Variants in SLC10A7 observed in about 807,000 individuals in gnomAD.
SLC10A7 encodes sodium/bile acid cotransporter 7.
In SLC10A7, 29 loss-of-function variants were observed where a neutral mutation model predicts 43.2. The ratio of observed to expected loss-of-function variants is 0.67; its 90% CI spans 0.50 to 0.92. SLC10A7 has a LOEUF of 0.92. Among genes scored for constraint, SLC10A7 ranks in the 40% least tolerant of loss-of-function variants. The pLI is 0.00. For missense variants in SLC10A7, 295 were observed against 403.2 expected, an observed-to-expected ratio of 0.73 and a Z score of 2.30; for synonymous variants, 152 against 144.8, an observed-to-expected ratio of 1.05 and a Z score of -0.35.
In SLC10A7 at chr4:146,508,121, T is replaced by C. The variant is rs148783108; in HGVS notation, c.320+1792A>G. 7.2e-3 allele frequency among the ~76,000 whole-genome samples: 1,091 copies of C among 152,302 alleles called. 9 individuals carry two copies. The highest frequency in any genetic ancestry group is 0.025 in the African/African-American group (1,050 of 41,560). ...TGCAAGCCGACCCTATGGAAATATT[T>C]TATCTTTGTATCTCATTAATGCCGC... is the stretch of plus-strand genomic sequence containing the variant. On this transcript the variant is annotated intron_variant, in intron 3 of 11. Transcript: ENST00000335472.
intron 10 of SLC10A7, among the ~76,000 whole-genome samples, chr4:146,264,745 G>C (rs1728448545): frequency 6.6e-6 from 1 of 152,086 alleles, no homozygotes; most frequent in Non-Finnish European, 1.5e-5. Flanking sequence ...AAAGTTCGGG[G>C]ATCATCTTTG....
chr4:146,297,990 G>C (rs1387216361), intron 7 of SLC10A7, among the ~76,000 whole-genome samples: 1 of 152,104 alleles, frequency 6.6e-6, no homozygotes, highest in African/African-American at 2.4e-5. Flanking sequence ...ATAAAATGTT[G>C]AAAAGCTAGG....
At chr4:146,443,847 T>C (rs1730809754) in intron 4 of SLC10A7, among the ~76,000 whole-genome samples, 1 of 152,220 alleles carries the variant, frequency 6.6e-6, no homozygotes, top group Non-Finnish European at 1.5e-5. Context: ...TTCCAGTTCA[T>C]AATTAATTCA....
In SLC10A7 at chr4:146,289,802, G is replaced by A. The variant is rs541835671; in HGVS notation, c.773+3127C>T. Among the ~76,000 whole-genome samples, 42 of 134,468 alleles carry A rather than the reference G, an allele frequency of 3.1e-4. 1 individual carries two copies. The South Asian group carries it at 7.8e-3, about 25-fold the overall frequency. The allele number at this position is 134,468 out of a possible 152,430, so 88.2% of individuals were successfully genotyped here. A position where few individuals can be genotyped will look rare whatever the true frequency, so the allele number is the denominator to read the frequency against. ...GTGATCTCAGCTCACTGCAACCTCC[G>A]TCTCCCGGGTTCAAGCGATTCTCCT... On this transcript the variant is annotated intron_variant, in intron 9 of 11. Coordinates refer to ENST00000335472, the MANE Select transcript of SLC10A7 (RefSeq NM_001029998.6).
At chr4:146,399,107 G>C (rs1397564947) in intron 5 of SLC10A7, among the ~76,000 whole-genome samples, 5 of 152,210 alleles carry the variant, frequency 3.3e-5, no homozygotes, top group Non-Finnish European at 7.3e-5. Flanking sequence ...CATTTGAGCT[G>C]ACACTGGAGT....
chr4:146,337,946 T>C (rs187125730), intron 5 of SLC10A7, among the ~76,000 whole-genome samples: 1 of 152,104 alleles, frequency 6.6e-6, no homozygotes, highest in East Asian at 1.9e-4. Flanking sequence ...TTGCCACTGG[T>C]GTTGGAATAC....
At chr4:146,418,042 A>ATGATG (rs1324861013) in intron 5 of SLC10A7, among the ~76,000 whole-genome samples, 13 of 102,626 alleles carry the variant, frequency 1.3e-4, no homozygotes, top group African/African-American at 4.2e-4. Flanking sequence ...TGATGATGAT[A>ATGATG]ATGATCCACA....
chr4:146,400,496 C>T (rs1382796511), intron 5 of SLC10A7, among the ~76,000 whole-genome samples: 4 of 152,012 alleles, frequency 2.6e-5, no homozygotes, highest in Non-Finnish European at 4.4e-5. Flanking sequence ...GTACAAATAC[C>T]TAGGATGAAA....
intron 4 of SLC10A7, among the ~76,000 whole-genome samples, chr4:146,447,197 G>C (rs1731166799): frequency 2.0e-5 from 3 of 152,132 alleles, no homozygotes. Flanking sequence ...TCCGAGATCA[G>C]ATGAGATTGG....
chr4:146,451,248 A>C (rs1345109446), intron 4 of SLC10A7, among the ~76,000 whole-genome samples: 4 of 149,738 alleles, frequency 2.7e-5, no homozygotes, highest in Non-Finnish European at 5.9e-5. Context: ...AAAAAAAAAA[A>C]AACAAAAAAA....
At chr4:146,491,982 C>T (rs560976496) in intron 4 of SLC10A7, among the ~76,000 whole-genome samples, 14 of 152,244 alleles carry the variant, frequency 9.2e-5, no homozygotes, top group African/African-American at 3.4e-4. Context: ...CTTTGGGAGG[C>T]TGAGGCGGGC....
chr4:146,289,468 T>C (rs567800419), intron 9 of SLC10A7, among the ~76,000 whole-genome samples: 2 of 152,138 alleles, frequency 1.3e-5, no homozygotes, highest in Non-Finnish European at 2.9e-5. Context: ...TTTAACTTTT[T>C]ATATATTTTT....
chr4:146,377,578 C>G (rs1443297044), intron 5 of SLC10A7, among the ~76,000 whole-genome samples: 1 of 152,190 alleles, frequency 6.6e-6, no homozygotes, highest in African/African-American at 2.4e-5. Flanking sequence ...ATCTCATTAT[C>G]ACTCTGGAGA....
intron 4 of SLC10A7, among the ~76,000 whole-genome samples, chr4:146,494,713 C>G (rs1185469627): frequency 2.0e-5 from 3 of 152,240 alleles, no homozygotes; most frequent in East Asian, 3.9e-4. Context: ...CTGTGTCTCT[C>G]TAAGACCAGA....
chr4:146,306,104 C>T lies in SLC10A7; in HGVS notation c.472-95G>A, dbSNP rs1383529843. On this transcript the variant is annotated intron_variant, in intron 6 of 11. Coordinates refer to ENST00000335472, the MANE Select transcript of SLC10A7 (RefSeq NM_001029998.6). ...TGCAATAAATAGATTTTCTCAGGCG[C>T]ACCAAAAATTTGGTAGCTATCTACA... 1.3e-5 allele frequency: 13 copies of T among 1,001,576 alleles called. No individual in the cohort carries two copies. In the African/African-American group the frequency reaches 2.0e-4, roughly 16 times the overall value. 62.0% of individuals were successfully genotyped at this position (1,001,576 alleles called of 1,614,324 possible).
intron 5 of SLC10A7, among the ~76,000 whole-genome samples, chr4:146,329,254 A>G (rs1024148377): frequency 3.5e-4 from 54 of 152,228 alleles, no homozygotes; most frequent in African/African-American, 1.3e-3. Context: ...GAATCACTGT[A>G]TAATGCTGAA....
In SLC10A7 at chr4:146,362,643, AAAT is replaced by A. The variant is rs1362079392; in HGVS notation, c.436-36650_436-36648del. ...AAAAATAATAGATTAAATCTAATAA[AAAT>A]AATAACTACAACAATTTGATAATAG... is the stretch of plus-strand genomic sequence containing the variant. On this transcript the variant is annotated intron_variant, in intron 5 of 11. Coordinates refer to ENST00000335472, the MANE Select transcript of SLC10A7 (RefSeq NM_001029998.6). Among the ~76,000 whole-genome samples the A allele has an allele frequency of 2.5e-4, 38 of 150,910 alleles. No homozygotes were observed. The East Asian group carries it at 5.4e-3, about 22-fold the overall frequency.
At chr4:146,317,538 T>C (rs1388300324) in intron 6 of SLC10A7, among the ~76,000 whole-genome samples, 1 of 152,052 alleles carries the variant, frequency 6.6e-6, no homozygotes, top group Non-Finnish European at 1.5e-5. Flanking sequence ...GGTAAAACAT[T>C]GTTTTTGGGT....
In SLC10A7 at chr4:146,411,234, T is replaced by A. The variant is rs1274031641; in HGVS notation, c.435+31549A>T. Among the ~76,000 whole-genome samples, 3 of 152,128 alleles carry A rather than the reference T, an allele frequency of 2.0e-5. No individual in the cohort carries two copies. In the South Asian group the frequency reaches 6.2e-4, roughly 32 times the overall value. ...GTCATCTGAGTTTCCCAAAAGCAGG[T>A]ATTTTTATACTCATGTCAACCTCTA... On this transcript the variant is annotated intron_variant, in intron 5 of 11. Transcript: ENST00000335472.
Sources: allele counts gnomAD v4.1 joint callset (sites outside exome capture counted in the v4.1 genomes callset), GRCh38; gene constraint gnomAD v4.1.1; transcripts MANE v1.5; gene names NCBI Gene and HGNC (gene_info 2026-07-23, HGNC 2026-07-21).